Variants in NBEAL1 observed in about 807,000 individuals in gnomAD.
NBEAL1 encodes neurobeachin like 1.
In NBEAL1, 273 loss-of-function variants were observed where a neutral mutation model predicts 351.3. The ratio of observed to expected loss-of-function variants is 0.78; its 90% CI spans 0.70 to 0.86. NBEAL1 has a LOEUF of 0.86. NBEAL1 is among the 40% of genes least tolerant of loss of function. The pLI, the probability that NBEAL1 is intolerant of heterozygous loss-of-function variation, is 0.00. For missense variants in NBEAL1, 2,961 were observed against 3,201.3 expected (o/e 0.92, Z 1.81); for synonymous variants, 1,050 against 1,086.4 (o/e 0.97, Z 0.66).
chr2:203,110,769 T>TTC (rs1258434844), intron 15 of NBEAL1, among the ~76,000 whole-genome samples: 4 of 140,554 alleles, frequency 2.8e-5, no homozygotes, highest in Non-Finnish European at 6.2e-5. Flanking sequence ...TCTTTTTTCT[T>TTC]TTTTTTTTTT....
intron 15 of NBEAL1, among the ~76,000 whole-genome samples, chr2:203,111,647 C>T (rs916577261): frequency 1.3e-5 from 2 of 152,080 alleles, no homozygotes; most frequent in African/African-American, 2.4e-5. Context: ...TGAGCCACTG[C>T]GCCCAGCTGA....
chr2:203,139,272 C>T (rs1284722254), intron 31 of NBEAL1, among the ~76,000 whole-genome samples: 1 of 151,676 alleles, frequency 6.6e-6, no homozygotes, highest in East Asian at 1.9e-4. Context: ...TTTATTATTT[C>T]TGTTTTAAAT....
chr2:203,154,793 G>A (rs758112205), intron 35 of NBEAL1, among the ~76,000 whole-genome samples: 5 of 151,900 alleles, frequency 3.3e-5, no homozygotes, highest in Non-Finnish European at 7.4e-5. Context: ...CAAAAAATAC[G>A]ATTTTTTGTA....
At position 203,221,635 on chromosome 2, in the gene NBEAL1, A is replaced by G. The variant is rs1467806037; in HGVS notation, c.*4281A>G. Reference sequence around the variant, plus strand: ...CATCAGCTGAAACTGTTTCTCCCCAATAAGTGAGCAATCTTAAACATTTTC... The same window carrying G: ...CATCAGCTGAAACTGTTTCTCCCCAGTAAGTGAGCAATCTTAAACATTTTC... On this transcript the variant is annotated 3_prime_UTR_variant, in exon 56 of 56. Coordinates refer to ENST00000683969, the MANE Select transcript of NBEAL1 (RefSeq NM_001378026.1). Among the ~76,000 whole-genome samples, 1 of 152,192 alleles carries G rather than the reference A, an allele frequency of 6.6e-6. No homozygotes were observed. Among genetic ancestry groups the G allele is most frequent in the Non-Finnish European group, 1.5e-5 (1 of 68,034 alleles).
chr2:203,195,298 C>T (rs1416076300), intron 47 of NBEAL1, among the ~76,000 whole-genome samples: 1 of 151,892 alleles, frequency 6.6e-6, no homozygotes, highest in Non-Finnish European at 1.5e-5. Flanking sequence ...TGGGGTACAC[C>T]ACTGTATTTT....
At chr2:203,122,731 G>T (rs899632602) in intron 19 of NBEAL1, among the ~76,000 whole-genome samples, 22 of 152,104 alleles carry the variant, frequency 1.4e-4, no homozygotes, top group African/African-American at 4.8e-4. Flanking sequence ...CTGGAACTTT[G>T]CTTCCATCTA....
At position 203,175,227 on chromosome 2, in the gene NBEAL1, T is replaced by G; in HGVS notation, c.6404T>G (p.Met2135Arg). Residue 2135 changes from methionine to arginine, a missense_variant, in exon 42 of 56, where the codon ATG becomes AGG. Coordinates refer to ENST00000683969, the MANE Select transcript of NBEAL1 (RefSeq NM_001378026.1). ...CACTATTCAAATTCTGCGGGGGTCA[T>G]GCACTATCTCATTCGTGTAGAACCG... ...GTHYSNSAGV[M>R]HYLIRVEPFT... The G allele has an allele frequency of 6.2e-7, 1 of 1,614,048 alleles. No individual in the cohort carries two copies. The highest frequency in any genetic ancestry group is 8.5e-7 in the Non-Finnish European group (1 of 1,179,922).
At chr2:203,191,025 CAA>C (rs2065063315) in intron 46 of NBEAL1, 1 of 1,601,958 alleles carries the variant, frequency 6.2e-7, no homozygotes, top group Non-Finnish European at 8.5e-7. Flanking sequence ...CCCTGATCAT[CAA>C]AGCCCTCAAG....
At chr2:203,136,836 G>GTTATT in intron 29 of NBEAL1, 62 bp downstream of exon 29, 14 of 1,345,788 alleles carry the variant, frequency 1.0e-5, no homozygotes, top group African/African-American at 1.5e-5. Flanking sequence ...CTAAAATAAC[G>GTTATT]TTAGTTATTG....
In NBEAL1 at chr2:203,110,251, T is replaced by G; in HGVS notation, c.2051T>G (p.Leu684Arg). 6.4e-7 allele frequency: 1 copy of G among 1,552,718 alleles called. No individual in the cohort carries two copies. The highest frequency in any genetic ancestry group is 1.4e-5 in the African/African-American group (1 of 73,264). Residue 684 changes from leucine to arginine, a missense_variant, in exon 15 of 56, where the codon CTT becomes CGT. Transcript: ENST00000683969. ...CTKREYATVMLPDHSFCDSLW... is the reference protein window; with the variant it reads ...CTKREYATVMRPDHSFCDSLW... ...AAAAGAGAATATGCAACGGTTATGC[T>G]TCCTGACCACAGTTTCTGTGATTCC...
intron 24 of NBEAL1, among the ~76,000 whole-genome samples, chr2:203,129,160 A>G (rs1227142264): frequency 6.6e-6 from 1 of 152,168 alleles, no homozygotes; most frequent in Non-Finnish European, 1.5e-5. Context: ...TATAACATAT[A>G]CAGACCAGGA....
rs556806592 is a variant in NBEAL1 at position 203,059,020 on chromosome 2, C to T, written c.515+1567C>T. On this transcript the variant is annotated intron_variant, in intron 6 of 55. Transcript: ENST00000683969. The stretch of plus-strand genomic sequence containing the variant: ...TTTTCCATTTTCATTTTCAACTTAA[C>T]ATGACCCATTTGTAAATAATTTCTA... 5.3e-5 allele frequency among the ~76,000 whole-genome samples: 8 copies of T among 152,326 alleles called. No individual in the cohort carries two copies. In the East Asian group the frequency reaches 1.4e-3, roughly 26 times the overall value.
chr2:203,097,300 T>C (rs1354220252), intron 10 of NBEAL1, among the ~76,000 whole-genome samples: 1 of 152,242 alleles, frequency 6.6e-6, no homozygotes, highest in Non-Finnish European at 1.5e-5. Flanking sequence ...GAATATTAAC[T>C]AGTCCTAATT....
intron 10 of NBEAL1, among the ~76,000 whole-genome samples, chr2:203,089,278 G>A (rs2062021864): frequency 6.6e-6 from 1 of 151,180 alleles, no homozygotes; most frequent in Admixed American, 6.6e-5. Context: ...AGAATCACTT[G>A]AACCTCAGAG....
intron 8 of NBEAL1, among the ~76,000 whole-genome samples, chr2:203,080,411 CAA>C (rs1235029749): frequency 6.6e-6 from 1 of 151,362 alleles, no homozygotes; most frequent in Non-Finnish European, 1.5e-5. Flanking sequence ...GACTTCATCT[CAA>C]AAAAAAAGTT....
At chr2:203,076,066 G>C (rs1388758836) in intron 7 of NBEAL1, among the ~76,000 whole-genome samples, 1 of 152,184 alleles carries the variant, frequency 6.6e-6, no homozygotes, top group East Asian at 1.9e-4. Context: ...AGCATCAAAA[G>C]AAAGGGGAAA....
At chr2:203,139,557 C>CATTT in intron 31 of NBEAL1, among the ~76,000 whole-genome samples, 2 of 67,644 alleles carry the variant, frequency 3.0e-5, no homozygotes, top group East Asian at 5.1e-4. Context: ...CCACCCCCAC[C>CATTT]TTTTTTTTTT....
chr2:203,126,607 A>G lies in NBEAL1; in HGVS notation c.3036A>G (p.Leu1012=). The change falls in exon 22 of 56, where the codon CTA becomes CTG. Residue 1012 remains leucine (L), a synonymous_variant. Transcript: ENST00000683969. ...ATGTGTTGATGGCAGTTCAGTTACT[A>G]ATTGAACAAGTATCATTAGAGAAAA... The part of the protein sequence containing the change: ...DVNVLMAVQL[L]IEQVSLEKNM... The G allele has an allele frequency of 6.6e-7, 1 of 1,520,762 alleles. No homozygotes were observed. The highest frequency in any genetic ancestry group is 1.3e-5 in the South Asian group (1 of 77,620). 94.2% of individuals were successfully genotyped at this position (1,520,762 alleles called of 1,614,324 possible). A position where few individuals can be genotyped will look rare whatever the true frequency, so the allele number is the denominator to read the frequency against.
At chr2:203,134,732 G>A (rs1002237329) in intron 27 of NBEAL1, among the ~76,000 whole-genome samples, 2 of 152,110 alleles carry the variant, frequency 1.3e-5, no homozygotes, top group Non-Finnish European at 2.9e-5. Context: ...GAGATCATAC[G>A]TATTCTCATG....
Sources: gnomAD v4.1 joint callset for allele counts (sites outside exome capture counted in the v4.1 genomes callset) on GRCh38, gnomAD v4.1.1 for gene constraint, MANE v1.5 for transcripts, NCBI Gene and HGNC (gene_info 2026-07-23, HGNC 2026-07-21) for gene names.